Variants in GRIK4 observed in about 807,000 individuals in gnomAD.
The protein encoded by GRIK4 is glutamate receptor ionotropic, kainate 4.
In GRIK4, 40 loss-of-function variants were observed where a neutral mutation model predicts 104.9. The ratio of observed to expected loss-of-function variants is 0.38; its 90% confidence interval spans 0.30 to 0.50. The LOEUF (loss-of-function observed/expected upper bound fraction) is 0.50. Ranked by LOEUF, GRIK4 falls within the 20% of genes least tolerant of loss-of-function variation. The pLI is 0.93. For missense variants in GRIK4, 1,047 were observed against 1,308.1 expected (o/e 0.80, Z 3.08); for synonymous variants, 485 against 524.9 (o/e 0.92, Z 1.04).
chr11:120,964,407 G>C (rs1199654679), intron 18 of GRIK4, among the ~76,000 whole-genome samples: 1 of 152,170 alleles, frequency 6.6e-6, no homozygotes, highest in African/African-American at 2.4e-5. Flanking sequence ...ACTGTGAACT[G>C]GAGGCTTCAC....
Position 120,511,852 on chromosome 11 carries a change from C to T in GRIK4, c.-194C>T. 1 of 346,678 alleles carries T rather than the reference C, an allele frequency of 2.9e-6. No individual in the cohort carries two copies. The highest frequency in any genetic ancestry group is 5.9e-6 in the Non-Finnish European group (1 of 170,154). The allele number at this position is 346,678 out of a possible 1,614,324, so 21.5% of individuals were successfully genotyped here. ...CCGCGGCCGGCCCGGCAGCGCCCGG[C>T]CCCCGGCTCAGCCCCCGGAGTGCGG... On this transcript the variant is annotated 5_prime_UTR_variant, in exon 1 of 21. Transcript: ENST00000527524.
intron 6 of GRIK4, among the ~76,000 whole-genome samples, chr11:120,821,241 T>C (rs1953120089): frequency 6.6e-6 from 1 of 152,084 alleles, no homozygotes; most frequent in South Asian, 2.1e-4. Flanking sequence ...TCGAGGAGAG[T>C]GTCCCTGAGT....
chr11:120,550,332 CA>C (rs1380780259), intron 1 of GRIK4, among the ~76,000 whole-genome samples: 1 of 25,924 alleles, frequency 3.9e-5, no homozygotes, highest in Non-Finnish European at 6.3e-5. Flanking sequence ...TGAGTAAGAA[CA>C]GGGGTTGGTG....
chr11:120,775,873 G>A (rs886509604), intron 3 of GRIK4, among the ~76,000 whole-genome samples: 1 of 152,236 alleles, frequency 6.6e-6, no homozygotes, highest in African/African-American at 2.4e-5. Context: ...CTACCTCTTG[G>A]GGTATTTGTG....
chr11:120,808,389 C>T (rs1256479499), intron 4 of GRIK4, among the ~76,000 whole-genome samples: 2 of 152,206 alleles, frequency 1.3e-5, no homozygotes, highest in Non-Finnish European at 2.9e-5. Flanking sequence ...GTGACTCCTC[C>T]CTCTCAGGGT....
At chr11:120,573,862 T>G (rs1948438218) in intron 1 of GRIK4, among the ~76,000 whole-genome samples, 1 of 152,198 alleles carries the variant, frequency 6.6e-6, no homozygotes, top group African/African-American at 2.4e-5. Flanking sequence ...AGGCTCTCCT[T>G]GGGTCCTTCC....
At chr11:120,795,163 C>T (rs1952485820) in intron 3 of GRIK4, among the ~76,000 whole-genome samples, 1 of 152,218 alleles carries the variant, frequency 6.6e-6, no homozygotes, top group South Asian at 2.1e-4. Flanking sequence ...AGTAAAACCT[C>T]TTTATTTTAC....
chr11:120,943,191 C>T (rs1943771309), intron 14 of GRIK4, among the ~76,000 whole-genome samples: 1 of 151,086 alleles, frequency 6.6e-6, no homozygotes, highest in Non-Finnish European at 1.5e-5. Flanking sequence ...CCTCTTCTGG[C>T]CTCCACACTG....
chr11:120,907,461 G>A (rs138178096), intron 13 of GRIK4, among the ~76,000 whole-genome samples: 69 of 152,276 alleles, frequency 4.5e-4, no homozygotes, highest in African/African-American at 1.6e-3. Flanking sequence ...GATCTTTCAA[G>A]CAAAAATACT....
In GRIK4 at chr11:120,796,315, G is replaced by A. The variant is rs540639994; in HGVS notation, c.83-6378G>A. ...CTCCCAAAGTGCTGGGATTACAGGC[G>A]TGAGCCATCGTGCCTGGCCTTTTCC... On this transcript the variant is annotated intron_variant, in intron 3 of 20. Transcript: ENST00000527524. Among the ~76,000 whole-genome samples the A allele has an allele frequency of 5.9e-5, 9 of 152,284 alleles. No individual in the cohort carries two copies. The East Asian group carries it at 7.7e-4, about 13-fold the overall frequency.
intron 3 of GRIK4, among the ~76,000 whole-genome samples, chr11:120,707,957 C>T (rs533027810): frequency 7.2e-5 from 11 of 152,160 alleles, no homozygotes; most frequent in Non-Finnish European, 1.2e-4. Flanking sequence ...GCTGACCTAA[C>T]GGAAGTCATA....
intron 3 of GRIK4, among the ~76,000 whole-genome samples, chr11:120,759,837 T>G (rs1939674): frequency 0.013 from 1,953 of 152,218 alleles, 15 homozygotes; most frequent in Non-Finnish European, 0.018. Flanking sequence ...GAATCTTTTT[T>G]TAAAATAAAT....
At chr11:120,894,678 G>C (rs539375203) in intron 11 of GRIK4, 1 of 152,304 alleles carries the variant, frequency 6.6e-6, no homozygotes, top group South Asian at 2.1e-4. Flanking sequence ...ATGTGGAAGC[G>C]GCTTACAAAA....
intron 3 of GRIK4, among the ~76,000 whole-genome samples, chr11:120,781,341 T>C (rs1358060347): frequency 6.6e-6 from 1 of 152,056 alleles, no homozygotes; most frequent in East Asian, 1.9e-4. Flanking sequence ...TGTGGGGTTT[T>C]AAAAAAATTA....
intron 1 of GRIK4, among the ~76,000 whole-genome samples, chr11:120,547,218 A>G (rs944761725): frequency 6.6e-6 from 1 of 151,658 alleles, no homozygotes; most frequent in African/African-American, 2.4e-5. Flanking sequence ...TCCTGGACAC[A>G]CTCACCCTTC....
intron 6 of GRIK4, among the ~76,000 whole-genome samples, chr11:120,824,770 G>A (rs1008451296): frequency 3.1e-4 from 47 of 149,760 alleles, no homozygotes; most frequent in Admixed American, 6.6e-4. Flanking sequence ...GGCTGGTCTC[G>A]AACCCCTGAC....
In GRIK4 at chr11:120,660,303, T is replaced by C. The variant is rs1183048756; in HGVS notation, c.-16T>C. 1 of 1,597,340 alleles carries C rather than the reference T, an allele frequency of 6.3e-7. No individual in the cohort carries two copies. Among genetic ancestry groups the C allele is most frequent in the Non-Finnish European group, 8.6e-7 (1 of 1,165,696 alleles). ...ATGCCCAGGCCAGCAGGGGGCTCCA[T>C]GAGGATTCATAGAAGATGCCCCGCG... On this transcript the variant is annotated 5_prime_UTR_variant, in exon 3 of 21. It removes an upstream start codon present in the reference 5' UTR. Transcript: ENST00000527524.
At chr11:120,959,963 A>C (rs1944252457) in intron 16 of GRIK4, among the ~76,000 whole-genome samples, 1 of 152,202 alleles carries the variant, frequency 6.6e-6, no homozygotes, top group Non-Finnish European at 1.5e-5. Context: ...CGGGAGTTCT[A>C]GGTTGCATTG....
intron 18 of GRIK4, 94 bp downstream of exon 18, chr11:120,962,775 C>G (rs1346034007): frequency 5.1e-6 from 4 of 786,736 alleles, no homozygotes; most frequent in Non-Finnish European, 8.5e-6. Flanking sequence ...TCCAGTACCC[C>G]CTGTTGTTAG....
Sources: gnomAD v4.1 joint callset for allele counts (sites outside exome capture counted in the v4.1 genomes callset) on GRCh38, gnomAD v4.1.1 for gene constraint, MANE v1.5 for transcripts, NCBI Gene and HGNC (gene_info 2026-07-23, HGNC 2026-07-21) for gene names.